BRAT1: variants seen among roughly 807,000 people sequenced by gnomAD.
BRAT1 encodes integrator complex assembly factor BRAT1.
In BRAT1, 74 loss-of-function variants were observed where a neutral mutation model predicts 70.6. The ratio of observed to expected loss-of-function variants is 1.05; its 90% CI spans 0.87 to 1.27. The LOEUF is 1.27. Ranked by LOEUF, BRAT1 falls within the 50% of genes most tolerant of loss-of-function variation. The pLI, the probability that BRAT1 is intolerant of heterozygous loss-of-function variation, is 0.00. For synonymous variants in BRAT1, 615 were observed against 517.1 expected, an observed-to-expected ratio of 1.19 and a Z score of -2.57; for missense variants, 1,203 against 1,098.2, an observed-to-expected ratio of 1.10 and a Z score of -1.35.
At chr7:2,555,014 T>C (rs558625546) in intron 1 of BRAT1, among the ~76,000 whole-genome samples, 55 of 141,072 alleles carry the variant, frequency 3.9e-4, no homozygotes, top group African/African-American at 1.4e-3. Context: ...CTGCAGCCAG[T>C]AGGAGGGTGA....
Position 2,554,288 on chromosome 7 carries a change from C to A in BRAT1, c.127+17G>T. ...TGGTCTCTGGATAGGCAGTAAACAG[C>A]AGCACCACCTCCTTACCTCCTTCAG... On this transcript the variant is annotated intron_variant, in intron 2 of 13. Coordinates refer to ENST00000340611, the MANE Select transcript of BRAT1 (RefSeq NM_152743.4). 1 of 1,611,908 alleles carries A rather than the reference C, an allele frequency of 6.2e-7. No individual in the cohort carries two copies. Among genetic ancestry groups the A allele is most frequent in the African/African-American group, 1.3e-5 (1 of 75,014 alleles).
rs1583299719 is a variant in BRAT1 at position 2,540,970 on chromosome 7, C to T, written c.1395+9G>A. ...CTCCTCTCCTCGCTCTCTATCCCCACCACCGTACCGTGGGGCTGGAGCCGG... is the reference window on the plus strand; with the variant it reads ...CTCCTCTCCTCGCTCTCTATCCCCATCACCGTACCGTGGGGCTGGAGCCGG... On this transcript the variant is annotated intron_variant, in intron 10 of 13. Coordinates refer to ENST00000340611, the MANE Select transcript of BRAT1 (RefSeq NM_152743.4). The T allele has an allele frequency of 6.5e-7, 1 of 1,542,646 alleles. No homozygotes were observed. Among genetic ancestry groups the T allele is most frequent in the Non-Finnish European group, 8.6e-7 (1 of 1,156,326 alleles).
chr7:2,548,267 AAG>A (rs1321538864), intron 2 of BRAT1, among the ~76,000 whole-genome samples: 1 of 152,110 alleles, frequency 6.6e-6, no homozygotes, highest in Non-Finnish European at 1.5e-5. Context: ...GTGGGGGAAA[AAG>A]ACATTTTGAG....
At chr7:2,554,131 T>G (rs1198340842) in intron 2 of BRAT1, among the ~76,000 whole-genome samples, 174 bp downstream of exon 2, 1 of 152,220 alleles carries the variant, frequency 6.6e-6, no homozygotes, top group Non-Finnish European at 1.5e-5. Flanking sequence ...GGCTTCATCT[T>G]AACTTGCCCT....
At chr7:2,540,796 A>C (rs1779086592) in intron 10 of BRAT1, 183 bp downstream of exon 10, 1 of 563,444 alleles carries the variant, frequency 1.8e-6, no homozygotes, top group Non-Finnish European at 2.9e-6. Flanking sequence ...TATCTTCACC[A>C]ACAAGAGGCC....
At position 2,543,336 on chromosome 7, in the gene BRAT1, C is replaced by T. The variant is rs769334756; in HGVS notation, c.804-13G>A. On this transcript the variant is annotated splice_polypyrimidine_tract_variant and intron_variant, in intron 5 of 13. Coordinates refer to ENST00000340611, the MANE Select transcript of BRAT1 (RefSeq NM_152743.4). The surrounding 1 kb of genome is among the most constrained non-coding windows in gnomAD (Gnocchi z 5.5). ...GAACACGGGAGAACTGCAGGGAGAC[C>T]CCAGAGAGAAAAATTACTCCCCCAC... 6.4e-7 allele frequency: 1 copy of T among 1,571,042 alleles called. No homozygotes were observed. Among genetic ancestry groups the T allele is most frequent in the Non-Finnish European group, 8.6e-7 (1 of 1,159,372 alleles).
At chr7:2,547,602 A>G in intron 2 of BRAT1, 124 bp from the exon 3 acceptor site, 1 of 1,030,640 alleles carries the variant, frequency 9.7e-7, no homozygotes. Context: ...TAGGGATCCA[A>G]CTGGGAAAAA....
chr7:2,547,663 G>A (rs1053483686), intron 2 of BRAT1, among the ~76,000 whole-genome samples, 185 bp from the exon 3 acceptor site: 13 of 152,176 alleles, frequency 8.5e-5, no homozygotes, highest in Non-Finnish European at 1.5e-5. Flanking sequence ...TTCAGTAAGG[G>A]CTAGAAAGCC....
chr7:2,540,314 C>G (rs889548097), intron 10 of BRAT1: 22 of 165,648 alleles, frequency 1.3e-4, no homozygotes, highest in Admixed American at 1.3e-3. Context: ...TTGATCCCCC[C>G]ACCTCGGCCC....
rs1354518436 is a variant in BRAT1, at chr7:2,539,182, C to T, written c.1767G>A (p.Arg589=). The change falls in exon 13 of 14, where the codon CGG becomes CGA. Residue 589 remains arginine (R), a synonymous_variant. Transcript: ENST00000340611. ...TGAGGAACCTGCCACCTCCTACCTG[C>T]CGGGCCTCTGCATGCTCAGGGCTGG... ...APTSPEHAEA[R]QSLFLELLHI... The T allele has an allele frequency of 6.3e-7, 1 of 1,597,268 alleles. No homozygotes were observed. The highest frequency in any genetic ancestry group is 1.1e-5 in the South Asian group (1 of 90,474).
At position 2,538,190 on chromosome 7, in the gene BRAT1, T is replaced by C. The variant is rs1216759259; in HGVS notation, c.2345A>G (p.Glu782Gly). 5 of 1,609,532 alleles carry C rather than the reference T, an allele frequency of 3.1e-6. No homozygotes were observed. Among genetic ancestry groups the C allele is most frequent in the Non-Finnish European group, 3.4e-6 (4 of 1,177,930 alleles). Residue 782 changes from glutamate (E) to glycine (G), a missense_variant, in exon 14 of 14, where the codon GAG becomes GGG. Physicochemically the swap from Glu to Gly is moderately conservative, Grantham distance 98. Transcript: ENST00000340611. ...CTCGGCCAGCGTGCTCCGCAGGCCCTCCAGGTCTAGGGACCTGAGCATGGC... is the reference window on the plus strand; with the variant it reads ...CTCGGCCAGCGTGCTCCGCAGGCCCCCCAGGTCTAGGGACCTGAGCATGGC... ...VLAMLRSLDL[E>G]GLRSTLAESS...
At chr7:2,553,118 C>T (rs528481458) in intron 2 of BRAT1, among the ~76,000 whole-genome samples, 208 of 152,068 alleles carry the variant, frequency 1.4e-3, no homozygotes, top group African/African-American at 4.8e-3. Context: ...CTGCAACCTC[C>T]GCTTCCTGGG....
In BRAT1 at chr7:2,541,795, T is replaced by C; in HGVS notation, c.1057A>G (p.Thr353Ala). The C allele has an allele frequency of 3.7e-6, 6 of 1,612,768 alleles. No homozygotes were observed. Among genetic ancestry groups the C allele is most frequent in the Non-Finnish European group, 4.2e-6 (5 of 1,179,888 alleles). ...GTADDATTVDTLLASKSSCAG... is the reference protein window; with the variant it reads ...GTADDATTVDALLASKSSCAG... ...CAGGACGACTTGGAGGCCAGGAGTG[T>C]GTCCACCGTCGTGGCATCGTCTGCC... Residue 353 changes from threonine (T) to alanine (A), a missense_variant, in exon 8 of 14, where the codon ACA becomes GCA. Coordinates refer to ENST00000340611, the MANE Select transcript of BRAT1 (RefSeq NM_152743.4).
chr7:2,539,307 G>A lies in BRAT1; in HGVS notation c.1642C>T (p.Gln548Ter). 1 of 1,612,006 alleles carries A rather than the reference G, an allele frequency of 6.2e-7. No homozygotes were observed. Among genetic ancestry groups the A allele is most frequent in the South Asian group, 1.1e-5 (1 of 91,036 alleles). Residue 548 changes from glutamine to a stop codon, truncating the protein, a stop_gained, in exon 13 of 14, where the codon CAG (glutamine) becomes TAG (stop). Transcript: ENST00000340611. LOFTEE classifies it high-confidence loss of function. ...TCCTGGAGGAGCTGCAGGGCCAGCT[G>A]AGGCACCTCTGAAGCCAAGAGTGCG... ...RCALLASEVP[Q>*]LALQLLQDPE...
chr7:2,544,536 T>G (rs1307412995), intron 4 of BRAT1, among the ~76,000 whole-genome samples: 2 of 152,170 alleles, frequency 1.3e-5, no homozygotes, highest in Non-Finnish European at 2.9e-5. Context: ...GGTCTTGCTC[T>G]GTTGCCTAAG....
rs747583240 is a variant in BRAT1, at chr7:2,539,578, G to T, written c.1563C>A (p.Leu521=). The T allele has an allele frequency of 6.3e-7, 1 of 1,583,308 alleles. No homozygotes were observed. Among genetic ancestry groups the T allele is most frequent in the Non-Finnish European group, 8.6e-7 (1 of 1,164,186 alleles). The part of the protein sequence containing the change: ...HPCWEVRDSA[L]EFLTQLSRHW... The stretch of plus-strand genomic sequence containing the variant: ...GCCTGCTCAGCTGGGTCAGGAACTC[G>T]AGGGCGGAGTCCCTCACCTCCCAGC... Residue 521 remains leucine, a synonymous_variant, in exon 12 of 14, where the codon CTC becomes CTA. Coordinates refer to ENST00000340611, the MANE Select transcript of BRAT1 (RefSeq NM_152743.4).
intron 10 of BRAT1, chr7:2,540,151 T>G: frequency 2.3e-6 from 1 of 439,414 alleles, no homozygotes; most frequent in Non-Finnish European, 4.0e-6. Flanking sequence ...CATGAGTAGC[T>G]GGGGCTAGAG....
At chr7:2,554,184 C>G (rs1221211183) in intron 2 of BRAT1, 121 bp downstream of exon 2, 2 of 1,343,720 alleles carry the variant, frequency 1.5e-6, no homozygotes, top group Middle Eastern at 1.9e-4. Flanking sequence ...GGAAAGACAT[C>G]TGATTGGCAG....
chr7:2,541,498 GGCCGTCA>G lies in BRAT1; in HGVS notation c.1135-21_1135-15del, dbSNP rs761504288. 5.3e-6 allele frequency: 8 copies of G among 1,522,006 alleles called. No homozygotes were observed. In the East Asian group the frequency reaches 2.0e-4, roughly 37 times the overall value. 94.3% of individuals were successfully genotyped at this position (1,522,006 alleles called of 1,614,324 possible). ...AGGGCGCTGGGGCTGCGAGGAAGAG[GGCCGTCA>G]GCCAAGGTTGCGGTCCCACTGCCGG... On this transcript the variant is annotated splice_polypyrimidine_tract_variant and intron_variant, in intron 8 of 13. Coordinates refer to ENST00000340611, the MANE Select transcript of BRAT1 (RefSeq NM_152743.4).
Sources: allele counts gnomAD v4.1 joint callset (sites outside exome capture counted in the v4.1 genomes callset), GRCh38; gene constraint gnomAD v4.1.1; non-coding constraint Gnocchi (gnomAD v3.1); transcripts MANE v1.5; gene names NCBI Gene and HGNC (gene_info 2026-07-23, HGNC 2026-07-21).